Variants in SUMF1 observed in about 807,000 individuals in gnomAD.
The protein encoded by SUMF1 is formylglycine-generating enzyme.
SUMF1 carries 48 observed loss-of-function variants against 47.6 expected under a neutral mutation model. That is an observed-to-expected ratio of 1.01 (90% confidence interval 0.80 to 1.28). The LOEUF (loss-of-function observed/expected upper bound fraction) is 1.28, where lower values mean the gene tolerates loss of function less well. Among genes scored for constraint, SUMF1 ranks in the 50% most tolerant of loss-of-function variants. SUMF1 has a pLI of 0.00. For synonymous variants in SUMF1, 230 were observed against 192.1 expected, an observed-to-expected ratio of 1.20 and a Z score of -1.63; for missense variants, 571 against 485.4, an observed-to-expected ratio of 1.18 and a Z score of -1.66.
chr3:4,273,608 A>C (rs556722404), intron 8 of SUMF1, among the ~76,000 whole-genome samples: 1 of 151,930 alleles, frequency 6.6e-6, no homozygotes, highest in South Asian at 2.1e-4. Flanking sequence ...TGAATGTACT[A>C]AAAATCTTTT....
At chr3:4,297,674 A>C (rs1188531243) in intron 8 of SUMF1, among the ~76,000 whole-genome samples, 2 of 148,990 alleles carry the variant, frequency 1.3e-5, no homozygotes, top group Non-Finnish European at 3.0e-5. Flanking sequence ...TTCCCAAGGC[A>C]CTGGGATTAC....
At chr3:4,046,735 T>C (rs1351032282) in intron 9 of SUMF1, among the ~76,000 whole-genome samples, 2 of 152,178 alleles carry the variant, frequency 1.3e-5, no homozygotes, top group Non-Finnish European at 2.9e-5. Context: ...AATTAGACTA[T>C]TGAAATAAAA....
chr3:4,232,568 C>T (rs1298860778), intron 8 of SUMF1, among the ~76,000 whole-genome samples: 4 of 150,244 alleles, frequency 2.7e-5, no homozygotes, highest in Non-Finnish European at 3.0e-5. Flanking sequence ...GGGAATTATT[C>T]AAAAGGAAGA....
At chr3:4,423,819 T>G (rs1701984065) in intron 3 of SUMF1, among the ~76,000 whole-genome samples, 1 of 152,154 alleles carries the variant, frequency 6.6e-6, no homozygotes, top group South Asian at 2.1e-4. Context: ...GAGCTCTCAC[T>G]GTGTCACAGG....
intron 8 of SUMF1, among the ~76,000 whole-genome samples, chr3:4,263,014 T>C (rs76316375): frequency 0.012 from 1,778 of 152,276 alleles, 32 homozygotes; most frequent in African/African-American, 0.041. Context: ...CTCCTCTGTT[T>C]CCAAACTTTC....
At chr3:4,209,977 C>T (rs1684206299) in intron 8 of SUMF1, among the ~76,000 whole-genome samples, 1 of 152,166 alleles carries the variant, frequency 6.6e-6, no homozygotes, top group South Asian at 2.1e-4. Flanking sequence ...TCACTGTAAC[C>T]TCCACCTCCT....
intron 9 of SUMF1, among the ~76,000 whole-genome samples, chr3:4,038,470 C>G (rs1334170076): frequency 1.3e-5 from 2 of 152,074 alleles, no homozygotes; most frequent in African/African-American, 2.4e-5. Context: ...GAGGCAGTAG[C>G]AGAGTGGCTT....
At chr3:4,205,490 G>T (rs1317326692) in intron 8 of SUMF1, among the ~76,000 whole-genome samples, 3 of 152,180 alleles carry the variant, frequency 2.0e-5, no homozygotes, top group Admixed American at 2.0e-4. Flanking sequence ...ATTCAATGAT[G>T]TCTGTGCATT....
chr3:4,303,316 A>G, intron 8 of SUMF1: 1 of 1,464,802 alleles, frequency 6.8e-7, no homozygotes, highest in Admixed American at 3.2e-5. Flanking sequence ...AAGTCCCAGC[A>G]TCCACCGCGC....
At chr3:4,215,692 A>G (rs1362482086) in intron 8 of SUMF1, among the ~76,000 whole-genome samples, 2 of 152,210 alleles carry the variant, frequency 1.3e-5, no homozygotes, top group Non-Finnish European at 2.9e-5. Context: ...CAACTTCAGA[A>G]AAGTCTCAGG....
At chr3:4,188,510 C>G (rs1695249688) in intron 8 of SUMF1, among the ~76,000 whole-genome samples, 1 of 152,154 alleles carries the variant, frequency 6.6e-6, no homozygotes. Flanking sequence ...TTCTCTCTCT[C>G]CAGATAACCT....
chr3:4,322,167 A>T (rs1490671902), intron 8 of SUMF1, among the ~76,000 whole-genome samples: 1 of 152,140 alleles, frequency 6.6e-6, no homozygotes, highest in African/African-American at 2.4e-5. Flanking sequence ...ATGTAACTGT[A>T]ATGTGGTGTC....
At chr3:4,041,293 A>G (rs1574840664) in intron 9 of SUMF1, among the ~76,000 whole-genome samples, 1 of 152,206 alleles carries the variant, frequency 6.6e-6, no homozygotes, top group East Asian at 1.9e-4. Context: ...GCTGGTCTTG[A>G]ACTCCTGACC....
chr3:4,246,751 A>G (rs185698014), intron 8 of SUMF1, among the ~76,000 whole-genome samples: 2 of 152,216 alleles, frequency 1.3e-5, no homozygotes, highest in East Asian at 1.9e-4. Flanking sequence ...ACTAACCACC[A>G]AGAGAAGTGG....
intron 8 of SUMF1, among the ~76,000 whole-genome samples, chr3:4,162,237 G>T (rs795290): frequency 6.6e-6 from 1 of 151,960 alleles, no homozygotes; most frequent in Non-Finnish European, 1.5e-5. Flanking sequence ...TGGAAGAAAG[G>T]AGTTTCTTTT....
At chr3:4,106,940 C>G (rs1184762186) in intron 8 of SUMF1, among the ~76,000 whole-genome samples, 3 of 151,982 alleles carry the variant, frequency 2.0e-5, no homozygotes, top group African/African-American at 7.3e-5. Flanking sequence ...GGTTTTAAGA[C>G]AAAGGCAAAA....
chr3:4,143,837 T>C (rs1694129331), intron 8 of SUMF1, among the ~76,000 whole-genome samples: 1 of 152,100 alleles, frequency 6.6e-6, no homozygotes, highest in Admixed American at 6.6e-5. Context: ...GGGAGCTAGT[T>C]AGAATTGTGG....
chr3:4,158,317 A>G (rs1466546054), intron 8 of SUMF1, among the ~76,000 whole-genome samples: 1 of 151,590 alleles, frequency 6.6e-6, no homozygotes, highest in Non-Finnish European at 1.5e-5. Flanking sequence ...GATACTTGAT[A>G]TGATTTCAAT....
At chr3:4,416,857 G>T (rs1418545758) in intron 6 of SUMF1, among the ~76,000 whole-genome samples, 1 of 152,066 alleles carries the variant, frequency 6.6e-6, no homozygotes, top group Non-Finnish European at 1.5e-5. Context: ...ATTTCTGGGT[G>T]GTAGAATTCC....
Sources: gnomAD v4.1 joint callset for allele counts (sites outside exome capture counted in the v4.1 genomes callset) on GRCh38, gnomAD v4.1.1 for gene constraint, MANE v1.5 for transcripts, NCBI Gene and HGNC (gene_info 2026-07-23, HGNC 2026-07-21) for gene names.